TBC1D19: variants seen among roughly 807,000 people sequenced by gnomAD.
TBC1D19 encodes TBC1 domain family member 19.
Under a neutral mutation model 89.0 loss-of-function variants are expected in TBC1D19, and 60 were observed. The ratio of observed to expected loss-of-function variants is 0.67; its 90% CI spans 0.55 to 0.84. The LOEUF (loss-of-function observed/expected upper bound fraction) is 0.84, where lower values mean the gene tolerates loss of function less well. Among genes scored for constraint, TBC1D19 ranks in the 40% least tolerant of loss-of-function variants. The probability of loss-of-function intolerance (pLI) is 0.00; values close to 1 mark genes in which losing one functional copy is unlikely to be tolerated. For missense variants in TBC1D19, 500 were observed against 610.8 expected, an observed-to-expected ratio of 0.82 and a Z score of 1.91; for synonymous variants, 189 against 199.7, an observed-to-expected ratio of 0.95 and a Z score of 0.45.
intron 7 of TBC1D19, among the ~76,000 whole-genome samples, chr4:26,650,343 T>G (rs964778296): frequency 6.6e-6 from 1 of 152,154 alleles, no homozygotes; most frequent in Non-Finnish European, 1.5e-5. Flanking sequence ...TGTAAAAGTG[T>G]TCCTATTTCT....
chr4:26,732,936 A>G lies in TBC1D19; in HGVS notation c.1085-2519A>G, dbSNP rs145831694. On this transcript the variant is annotated intron_variant, in intron 15 of 20. Coordinates refer to ENST00000264866, the MANE Select transcript of TBC1D19 (RefSeq NM_018317.4). ...GGCATCAGCCTCGTAGTGAGGAGAA[A>G]GTGAAGTCTACAATTCAGTGTTAAA... Among the ~76,000 whole-genome samples the G allele has an allele frequency of 1.6e-3, 241 of 152,368 alleles. 1 individual carries two copies. The highest frequency in any genetic ancestry group is 5.5e-3 in the African/African-American group (230 of 41,590).
chr4:26,801,569 A>G, the TBC1D19 span, among the ~76,000 whole-genome samples: 2 of 152,062 alleles, frequency 1.3e-5, no homozygotes, highest in Non-Finnish European at 2.9e-5. Context: ...CTTGATGGGG[A>G]TGGTATTGAA....
chr4:26,739,823 C>T (rs1181232152), intron 16 of TBC1D19, 41 bp from the exon 17 acceptor site: 2 of 1,106,118 alleles, frequency 1.8e-6, no homozygotes, highest in Non-Finnish European at 2.6e-6. Context: ...CTTAACATTT[C>T]AGTAGTTCTG....
Position 26,753,872 on chromosome 4 carries a change from A to G in TBC1D19, c.1488A>G (p.Thr496=), listed in dbSNP as rs2109337933. 1 of 1,613,968 alleles carries G rather than the reference A, an allele frequency of 6.2e-7. No individual in the cohort carries two copies. The highest frequency in any genetic ancestry group is 1.1e-5 in the South Asian group (1 of 91,078). Residue 496 remains threonine, a synonymous_variant, in exon 20 of 21, where the codon ACA becomes ACG. Transcript: ENST00000264866. ...GAGCAGTGAACCTGATGGAGGTGAC[A>G]TCACTGGCTGCAGCTGAAGTAAGGA... ...AFRAVNLMEV[T]SLAAAEAVLA...
At chr4:26,599,416 G>A (rs1740447560) in intron 1 of TBC1D19, among the ~76,000 whole-genome samples, 1 of 152,028 alleles carries the variant, frequency 6.6e-6, no homozygotes, top group Non-Finnish European at 1.5e-5. Context: ...GAGCAGTGTT[G>A]GCCCAACTTA....
chr4:26,757,756 T>TC (rs1321825896), downstream of TBC1D19, among the ~76,000 whole-genome samples: 2 of 152,080 alleles, frequency 1.3e-5, no homozygotes, highest in Non-Finnish European at 2.9e-5. Flanking sequence ...GCTTTTTCTC[T>TC]CCCCCCAGAT....
intron 1 of TBC1D19, among the ~76,000 whole-genome samples, chr4:26,600,605 T>C (rs1360109238): frequency 1.3e-5 from 2 of 152,190 alleles, no homozygotes; most frequent in Non-Finnish European, 2.9e-5. Flanking sequence ...GCATAGAGTA[T>C]ACCACGAAAG....
At chr4:26,809,377 C>G in the TBC1D19 span, among the ~76,000 whole-genome samples, 4 of 152,270 alleles carry the variant, frequency 2.6e-5, no homozygotes, top group East Asian at 7.7e-4. Flanking sequence ...TTCCTGCCAA[C>G]AAGCTGTAAT....
chr4:26,588,317 A>T (rs892775282), intron 1 of TBC1D19, among the ~76,000 whole-genome samples: 4 of 151,974 alleles, frequency 2.6e-5, no homozygotes, highest in African/African-American at 9.7e-5. Context: ...AAGCCACCGC[A>T]CCTGGCCATG....
chr4:26,854,355 T>C, the TBC1D19 span, among the ~76,000 whole-genome samples: 1 of 152,212 alleles, frequency 6.6e-6, no homozygotes, highest in Non-Finnish European at 1.5e-5. Flanking sequence ...CCTAATATAG[T>C]ACCCGACCCT....
At chr4:26,598,446 G>A (rs1740374512) in intron 1 of TBC1D19, among the ~76,000 whole-genome samples, 1 of 151,970 alleles carries the variant, frequency 6.6e-6, no homozygotes, top group South Asian at 2.1e-4. Flanking sequence ...CCAGACTGGA[G>A]TGCAGAGGCA....
At chr4:26,857,103 A>T in the TBC1D19 span, among the ~76,000 whole-genome samples, 1 of 152,212 alleles carries the variant, frequency 6.6e-6, no homozygotes, top group African/African-American at 2.4e-5. Context: ...GGTCTTGCTA[A>T]TGAGTTACTT....
At chr4:26,785,439 G>A in the TBC1D19 span, among the ~76,000 whole-genome samples, 1 of 152,192 alleles carries the variant, frequency 6.6e-6, no homozygotes, top group Non-Finnish European at 1.5e-5. Context: ...ACATAGAAAA[G>A]ATAACCATGT....
intron 7 of TBC1D19, among the ~76,000 whole-genome samples, chr4:26,641,352 A>G (rs938962817): frequency 6.6e-6 from 1 of 152,240 alleles, no homozygotes; most frequent in Non-Finnish European, 1.5e-5. Flanking sequence ...TTAGAAGGAA[A>G]ACTAACAAAC....
the TBC1D19 span, among the ~76,000 whole-genome samples, chr4:26,789,649 G>A: frequency 6.6e-6 from 1 of 152,134 alleles, no homozygotes; most frequent in African/African-American, 2.4e-5. Context: ...GTATGGAGAC[G>A]TCTCAAGGAA....
At chr4:26,715,541 C>A (rs759984997) in intron 13 of TBC1D19, among the ~76,000 whole-genome samples, 4 of 152,064 alleles carry the variant, frequency 2.6e-5, no homozygotes, top group African/African-American at 9.7e-5. Context: ...CAGGATTGAG[C>A]ATAAGGACAA....
chr4:26,735,399 A>G, intron 15 of TBC1D19, 56 bp from the exon 16 acceptor site: 4 of 1,374,832 alleles, frequency 2.9e-6, no homozygotes, highest in Non-Finnish European at 4.0e-6. Context: ...TTTAAAGCTT[A>G]CCTAATAATC....
At chr4:26,705,194 A>G (rs906366978) in intron 13 of TBC1D19, among the ~76,000 whole-genome samples, 31 of 152,102 alleles carry the variant, frequency 2.0e-4, no homozygotes, top group African/African-American at 7.0e-4. Flanking sequence ...TGTCTTACTG[A>G]AAATGTGATT....
intron 4 of TBC1D19, among the ~76,000 whole-genome samples, chr4:26,621,254 C>T (rs1194608912): frequency 6.6e-6 from 1 of 152,116 alleles, no homozygotes; most frequent in African/African-American, 2.4e-5. Context: ...TCAAGAAGTT[C>T]TAGCACATGC....
Sources: allele counts gnomAD v4.1 joint callset (sites outside exome capture counted in the v4.1 genomes callset), GRCh38; gene constraint gnomAD v4.1.1; transcripts MANE v1.5; gene names NCBI Gene and HGNC (gene_info 2026-07-23, HGNC 2026-07-21).